Variants in RBM45 observed in about 807,000 individuals in gnomAD.
RBM45 encodes RNA-binding protein 45.
Under a neutral mutation model 58.5 loss-of-function variants are expected in RBM45, and 39 were observed. That is an observed-to-expected ratio of 0.67 (90% CI 0.52 to 0.87). The LOEUF (loss-of-function observed/expected upper bound fraction) is 0.87, where lower values mean the gene tolerates loss of function less well. Ranked by LOEUF, RBM45 falls within the 40% of genes least tolerant of loss-of-function variation. The pLI, the probability that RBM45 is intolerant of heterozygous loss-of-function variation, is 0.00. For missense variants in RBM45, 481 were observed against 581.6 expected (o/e 0.83, Z 1.78); for synonymous variants, 193 against 203.0 (o/e 0.95, Z 0.42).
In RBM45 at chr2:178,123,609, G is replaced by A. The variant is rs199655725; in HGVS notation, c.941G>A (p.Arg314Gln). ...LHGFQYPPGN[R>Q]IGVSFIDDGS... The stretch of plus-strand genomic sequence containing the variant: ...GGATTTCAGTACCCTCCTGGGAACC[G>A]AATAGGTGTTTCCTTCATTGATGAT... Residue 314 changes from arginine to glutamine, a missense_variant, in exon 6 of 10, where the codon CGA becomes CAA. Coordinates refer to ENST00000286070, the MANE Select transcript of RBM45 (RefSeq NM_152945.4). The A allele has an allele frequency of 5.0e-5, 81 of 1,609,240 alleles. No homozygotes were observed. The highest frequency in any genetic ancestry group is 5.6e-5 in the South Asian group (5 of 89,818).
intron 2 of RBM45, 36 bp downstream of exon 2, chr2:178,116,420 C>T (rs1449380796): frequency 4.5e-6 from 7 of 1,561,154 alleles, no homozygotes; most frequent in Non-Finnish European, 5.2e-6. Flanking sequence ...TGTGATAACT[C>T]ATAGTCCTGC....
chr2:178,123,783 C>T, intron 6 of RBM45, 45 bp from the exon 7 acceptor site: 1 of 1,606,296 alleles, frequency 6.2e-7, no homozygotes, highest in South Asian at 1.1e-5. Flanking sequence ...TGTTAAAAGA[C>T]TGAATATTTT....
At chr2:178,117,592 G>A (rs902874077) in intron 2 of RBM45, among the ~76,000 whole-genome samples, 4 of 152,174 alleles carry the variant, frequency 2.6e-5, no homozygotes, top group Non-Finnish European at 5.9e-5. Flanking sequence ...CTTTGAGTAT[G>A]TTCCAAGCCC....
chr2:178,118,227 G>T (rs775473022), intron 3 of RBM45, 46 bp downstream of exon 3: 3 of 1,541,012 alleles, frequency 1.9e-6, no homozygotes, highest in Admixed American at 3.8e-5. Flanking sequence ...AAAAAATTCT[G>T]ATTATTCTAA....
At position 178,121,202 on chromosome 2, in the gene RBM45, T is replaced by G. The variant is rs762508284; in HGVS notation, c.696T>G (p.Ser232Arg). ...FPFEQQSEFS[S>R]FDKNDSRGQE... ...GAGAACAACAATCTGAATTTTCAAG[T>G]TTTGACAAGAATGATAGCCGAGGCC... The change falls in exon 5 of 10, where the codon AGT becomes AGG. Residue 232 changes from serine (S) to arginine (R), a missense_variant. Coordinates refer to ENST00000286070, the MANE Select transcript of RBM45 (RefSeq NM_152945.4). 3 of 1,565,864 alleles carry G rather than the reference T, an allele frequency of 1.9e-6. No individual in the cohort carries two copies. The South Asian group carries it at 3.5e-5, about 18-fold the overall frequency.
At chr2:178,135,211 G>A (rs1261753827) in intron 3 of RBM45, among the ~76,000 whole-genome samples, 1 of 152,210 alleles carries the variant, frequency 6.6e-6, no homozygotes, top group East Asian at 1.9e-4. Context: ...GTTACTTAAA[G>A]GACTGACTTT....
At chr2:178,133,931 T>C (rs2088025114), downstream of RBM45, 1 of 152,184 alleles carries the variant, frequency 6.6e-6, no homozygotes, top group African/African-American at 2.4e-5. Context: ...CAGACAGAAA[T>C]ATTCAGTTAA....
At position 178,124,304 on chromosome 2, in the gene RBM45, AT is replaced by A. The variant is rs539666856; in HGVS notation, c.1232+20del. 1.5e-4 allele frequency: 218 copies of A among 1,460,112 alleles called. 1 individual carries two copies. The highest frequency in any genetic ancestry group is 1.9e-4 in the Non-Finnish European group (204 of 1,075,116). The allele number at this position is 1,460,112 out of a possible 1,614,324, so 90.4% of individuals were successfully genotyped here. On this transcript the variant is annotated intron_variant, in intron 8 of 9. Coordinates refer to ENST00000286070, the MANE Select transcript of RBM45 (RefSeq NM_152945.4). ...AGATATATTCTGGTAAGAAAGTTACATTTTTTGTTATATTTTATTTACACTA... is the reference window on the plus strand; with the variant it reads ...AGATATATTCTGGTAAGAAAGTTACATTTTTGTTATATTTTATTTACACTA...
rs139199245 is a variant in RBM45 at position 178,124,271 on chromosome 2, G to T, written c.1213G>T (p.Val405Leu). Residue 405 changes from valine to leucine, a missense_variant, in exon 8 of 10, where the codon GTA becomes TTA. Val to Leu is a conservative substitution (Grantham distance 32). Coordinates refer to ENST00000286070, the MANE Select transcript of RBM45 (RefSeq NM_152945.4). Reference protein sequence around the residue: ...VFNPHPLPLDVLEDIFCRFGN... With the variant: ...VFNPHPLPLDLLEDIFCRFGN... ...TAATCCTCATCCTTTACCTTTAGAC[G>T]TATTAGAAGATATATTCTGGTAAGA... is the stretch of plus-strand genomic sequence containing the variant. 6.4e-7 allele frequency: 1 copy of T among 1,552,636 alleles called. No individual in the cohort carries two copies. The highest frequency in any genetic ancestry group is 8.7e-7 in the Non-Finnish European group (1 of 1,147,270).
downstream of RBM45, among the ~76,000 whole-genome samples, chr2:178,132,166 A>G (rs1240696863): frequency 1.3e-5 from 2 of 152,222 alleles, no homozygotes; most frequent in South Asian, 2.1e-4. Context: ...CTTCTTGTAA[A>G]TTCATTAACT....
intron 9 of RBM45, among the ~76,000 whole-genome samples, chr2:178,128,254 C>T (rs1251840616): frequency 6.6e-6 from 1 of 152,114 alleles, no homozygotes; most frequent in Non-Finnish European, 1.5e-5. Context: ...CCTTCCTCGG[C>T]CTCCCAAAGT....
chr2:178,119,648 A>T (rs889582212), intron 3 of RBM45, among the ~76,000 whole-genome samples: 1 of 152,240 alleles, frequency 6.6e-6, no homozygotes, highest in East Asian at 1.9e-4. Flanking sequence ...GGCTGGTTTT[A>T]TCCTTTTTTT....
rs2087722264 is a variant in RBM45 at position 178,112,825 on chromosome 2, C to T, written c.279C>T (p.Pro93=). The T allele has an allele frequency of 6.2e-7, 1 of 1,609,758 alleles. No individual in the cohort carries two copies. The highest frequency in any genetic ancestry group is 1.1e-5 in the South Asian group (1 of 91,028). ...MEEMHGQCLG[P]NDTKPIKVFI... is the part of the protein sequence containing the mutation. ...AGATGCATGGCCAGTGCCTCGGCCC[C>T]AACGACACCAAGCCCATCAAGGTGC... The change falls in exon 1 of 10, where the codon CCC becomes CCT. Residue 93 remains proline, a synonymous_variant. Coordinates refer to ENST00000286070, the MANE Select transcript of RBM45 (RefSeq NM_152945.4).
At chr2:178,136,269 C>CTGAGCG (rs2088044370) in intron 3 of RBM45, among the ~76,000 whole-genome samples, 1 of 152,230 alleles carries the variant, frequency 6.6e-6, no homozygotes, top group Non-Finnish European at 1.5e-5. Flanking sequence ...GAGATCACGC[C>CTGAGCG]ACTGCACTCC....
At chr2:178,130,140 A>G (rs1458250545), downstream of RBM45, among the ~76,000 whole-genome samples, 2 of 152,210 alleles carry the variant, frequency 1.3e-5, no homozygotes, top group Non-Finnish European at 2.9e-5. Flanking sequence ...ATCTTTATAG[A>G]AATAATGGCC....
downstream of RBM45, among the ~76,000 whole-genome samples, chr2:178,130,112 G>A (rs2087991277): frequency 6.6e-6 from 1 of 152,074 alleles, no homozygotes; most frequent in Non-Finnish European, 1.5e-5. Context: ...CAGTGGCTTT[G>A]GGGGGATGGA....
exon 4 of RBM45, chr2:178,138,322 C>T (rs1002494479): frequency 6.6e-6 from 1 of 151,974 alleles, no homozygotes; most frequent in Non-Finnish European, 1.5e-5. Context: ...TAAAAAGCAC[C>T]CTCCGACAAA....
chr2:178,123,576 A>G lies in RBM45; in HGVS notation c.908A>G (p.Lys303Arg). The change falls in exon 6 of 10, where the codon AAA (lysine) becomes AGA (arginine). Residue 303 changes from lysine to arginine, a missense_variant. Physicochemically the swap from Lys to Arg is conservative, Grantham distance 26 (BLOSUM62 2). Transcript: ENST00000286070. ...NVASAIYAKYKLHGFQYPPGN... is the reference protein window; with the variant it reads ...NVASAIYAKYRLHGFQYPPGN... ...GCATCAGCTATTTATGCAAAATACAAATTACATGGATTTCAGTACCCTCCT... is the reference window on the plus strand; with the variant it reads ...GCATCAGCTATTTATGCAAAATACAGATTACATGGATTTCAGTACCCTCCT... The G allele has an allele frequency of 1.2e-6, 2 of 1,608,782 alleles. No individual in the cohort carries two copies. The highest frequency in any genetic ancestry group is 1.3e-5 in the African/African-American group (1 of 74,726).
In RBM45 at chr2:178,126,106, G is replaced by C. The variant is rs2087926079; in HGVS notation, c.1355G>C (p.Gly452Ala). 1.2e-6 allele frequency: 2 copies of C among 1,613,848 alleles called. No homozygotes were observed. The highest frequency in any genetic ancestry group is 2.7e-5 in the African/African-American group (2 of 74,910). Residue 452 changes from glycine (G) to alanine (A), a missense_variant, in exon 9 of 10, where the codon GGG becomes GCG. Gly to Ala is a moderately conservative substitution (Grantham distance 60). Coordinates refer to ENST00000286070, the MANE Select transcript of RBM45 (RefSeq NM_152945.4). ...ACTCTACATGGAAAGATTCTGAATG[G>C]GGTGAGACTTAAAGTTATGCTGGCA... ...IATLHGKILN[G>A]VRLKVMLADS...
Sources: gnomAD v4.1 joint callset for allele counts (sites outside exome capture counted in the v4.1 genomes callset) on GRCh38, gnomAD v4.1.1 for gene constraint, MANE v1.5 for transcripts, NCBI Gene and HGNC (gene_info 2026-07-23, HGNC 2026-07-21) for gene names.